PDE1C: variants seen among roughly 807,000 people sequenced by gnomAD.
PDE1C encodes the protein phosphodiesterase 1C, also known as dual specificity calcium/calmodulin-dependent 3',5'-cyclic nucleotide phosphodiesterase 1C.
In PDE1C, 62 loss-of-function variants were observed where a neutral mutation model predicts 93.1. That is an observed-to-expected ratio of 0.67 (90% CI 0.54 to 0.82). PDE1C has a LOEUF of 0.82. Among genes scored for constraint, PDE1C ranks in the 40% least tolerant of loss-of-function variants. The pLI, the probability that PDE1C is intolerant of heterozygous loss-of-function variation, is 0.00. For missense variants in PDE1C, 742 were observed against 884.6 expected (o/e 0.84, Z 2.04); for synonymous variants, 325 against 310.1 (o/e 1.05, Z -0.50).
the PDE1C span, chr7:31,651,851 A>T: frequency 1.5e-5 from 13 of 850,468 alleles, no homozygotes; most frequent in East Asian, 1.9e-4. Context: ...GAAATTGCAA[A>T]GGAAGAACCT....
intron 1 of PDE1C, among the ~76,000 whole-genome samples, chr7:32,391,427 A>G (rs536392015): frequency 2.2e-3 from 340 of 152,336 alleles, no homozygotes; most frequent in African/African-American, 7.6e-3. Flanking sequence ...TCCACTCTGA[A>G]TAATGAATAA....
At chr7:31,911,874 T>C (rs1210707263) in intron 2 of PDE1C, among the ~76,000 whole-genome samples, 1 of 152,226 alleles carries the variant, frequency 6.6e-6, no homozygotes, top group Non-Finnish European at 1.5e-5. Context: ...TTTGAAAGTG[T>C]GCTGCCTGTT....
At chr7:31,947,076 G>T (rs1806721257) in intron 2 of PDE1C, among the ~76,000 whole-genome samples, 1 of 152,092 alleles carries the variant, frequency 6.6e-6, no homozygotes, top group African/African-American at 2.4e-5. Context: ...TTGACTTTGG[G>T]CTTCCTTAAG....
At chr7:31,695,035 G>A in the PDE1C span, among the ~76,000 whole-genome samples, 1 of 152,142 alleles carries the variant, frequency 6.6e-6, no homozygotes, top group Non-Finnish European at 1.5e-5. Flanking sequence ...GAGGACCGAG[G>A]GAACCTTTCT....
At chr7:31,770,412 C>A (rs952461150) in intron 17 of PDE1C, among the ~76,000 whole-genome samples, 3 of 152,176 alleles carry the variant, frequency 2.0e-5, no homozygotes, top group African/African-American at 7.2e-5. Context: ...AGCCCAATTA[C>A]CTAATTTTTT....
intron 2 of PDE1C, among the ~76,000 whole-genome samples, chr7:31,960,143 G>A (rs543080709): frequency 6.6e-6 from 1 of 152,118 alleles, no homozygotes; most frequent in African/African-American, 2.4e-5. Context: ...CCAAAGTGCT[G>A]GGATGACAGG....
chr7:31,842,386 T>G (rs1015561135), intron 9 of PDE1C, among the ~76,000 whole-genome samples: 1 of 152,132 alleles, frequency 6.6e-6, no homozygotes, highest in Admixed American at 6.6e-5. Context: ...CTTTACATAT[T>G]GATAGAATTC....
At chr7:31,731,477 G>A in the PDE1C span, among the ~76,000 whole-genome samples, 5 of 152,120 alleles carry the variant, frequency 3.3e-5, no homozygotes, top group African/African-American at 9.6e-5. Context: ...TGCAACCTCC[G>A]CCTCCCCGGT....
At chr7:32,168,230 A>G (rs972682851) in intron 3 of PDE1C, among the ~76,000 whole-genome samples, 1 of 152,218 alleles carries the variant, frequency 6.6e-6, no homozygotes, top group African/African-American at 2.4e-5. Flanking sequence ...CTGATATTCA[A>G]TTTATAACTT....
At chr7:32,011,188 A>C (rs1267445000) in intron 2 of PDE1C, among the ~76,000 whole-genome samples, 1 of 146,230 alleles carries the variant, frequency 6.8e-6, no homozygotes, top group African/African-American at 2.6e-5. Flanking sequence ...GTTTTAAATA[A>C]ATTAACAATT....
rs557898956 is a variant in PDE1C, at chr7:32,414,533, G to A, written c.310+13289C>T. Among the ~76,000 whole-genome samples, 4 of 152,252 alleles carry A rather than the reference G, an allele frequency of 2.6e-5. No individual in the cohort carries two copies. In the East Asian group the frequency reaches 7.7e-4, roughly 29 times the overall value. On this transcript the variant is annotated intron_variant, in intron 1 of 1. Transcript: ENST00000672256. ...TTATTCCACATTATTTGACATTTTTGCAACAAGCATGCTTTTTTAAAAGAG... is the reference window on the plus strand; with the variant it reads ...TTATTCCACATTATTTGACATTTTTACAACAAGCATGCTTTTTTAAAAGAG...
the PDE1C span, among the ~76,000 whole-genome samples, chr7:31,640,971 T>G: frequency 2.6e-5 from 4 of 152,160 alleles, no homozygotes; most frequent in Non-Finnish European, 5.9e-5. Context: ...TATACAAAAT[T>G]GAGCCATTAC....
chr7:31,683,546 A>G, the PDE1C span, among the ~76,000 whole-genome samples: 120,186 of 151,918 alleles, frequency 0.79, 47,797 homozygotes, highest in Middle Eastern at 0.86. Flanking sequence ...GTGCTCACTT[A>G]CCAGGGGATA....
chr7:32,310,516 A>T (rs1208934415), intron 1 of PDE1C, among the ~76,000 whole-genome samples: 1 of 152,208 alleles, frequency 6.6e-6, no homozygotes, highest in Admixed American at 6.5e-5. Flanking sequence ...AGCTCTCCTC[A>T]GCAAATGTAA....
At chr7:32,005,722 G>T (rs975800109) in intron 2 of PDE1C, among the ~76,000 whole-genome samples, 9 of 152,034 alleles carry the variant, frequency 5.9e-5, no homozygotes, top group African/African-American at 1.2e-4. Flanking sequence ...CAAATGGCTG[G>T]TGTGTTTGAA....
intron 1 of PDE1C, among the ~76,000 whole-genome samples, chr7:32,222,990 T>A (rs1008496966): frequency 1.4e-4 from 22 of 152,178 alleles, no homozygotes; most frequent in Non-Finnish European, 2.9e-4. Context: ...ACTTTTAAAA[T>A]AGATCCTAAA....
chr7:31,972,177 C>T (rs1017010239), intron 2 of PDE1C, among the ~76,000 whole-genome samples: 1 of 152,286 alleles, frequency 6.6e-6, no homozygotes, highest in African/African-American at 2.4e-5. Context: ...TGGTAGTATA[C>T]AACCACGTAT....
intron 1 of PDE1C, among the ~76,000 whole-genome samples, chr7:32,361,138 T>G (rs1200112422): frequency 6.6e-6 from 1 of 152,146 alleles, no homozygotes; most frequent in African/African-American, 2.4e-5. Context: ...TCAGTACTCA[T>G]AGCTTTGTAC....
At chr7:31,784,940 AC>A (rs1783768598) in intron 16 of PDE1C, 1 of 152,202 alleles carries the variant, frequency 6.6e-6, no homozygotes, top group South Asian at 2.1e-4. Context: ...TCACACATAT[AC>A]CCACTCAAAG....
Sources: allele counts gnomAD v4.1 joint callset (sites outside exome capture counted in the v4.1 genomes callset), GRCh38; gene constraint gnomAD v4.1.1; transcripts MANE v1.5; gene names NCBI Gene and HGNC (gene_info 2026-07-23, HGNC 2026-07-21).